The following SHISA9 variants were observed in gnomAD, a reference collection of about 807,000 sequenced individuals.
SHISA9 encodes protein shisa-9.
SHISA9 carries 13 observed loss-of-function variants against 38.0 expected under a neutral mutation model. The ratio of observed to expected loss-of-function variants is 0.34; its 90% CI spans 0.22 to 0.54. SHISA9 has a LOEUF of 0.54. Ranked by LOEUF, SHISA9 falls within the 20% of genes least tolerant of loss-of-function variation. The pLI is 0.91. For missense variants in SHISA9, 538 were observed against 575.8 expected (o/e 0.93, Z 0.67); for synonymous variants, 275 against 242.0 (o/e 1.14, Z -1.27).
At chr16:13,042,402 G>T (rs563262336) in intron 2 of SHISA9, among the ~76,000 whole-genome samples, 4 of 152,304 alleles carry the variant, frequency 2.6e-5, no homozygotes, top group African/African-American at 9.6e-5. Context: ...GGAAAATGCA[G>T]TAGCATTGGA....
the SHISA9 span, among the ~76,000 whole-genome samples, chr16:13,314,387 A>G: frequency 6.6e-6 from 1 of 151,662 alleles, no homozygotes; most frequent in South Asian, 2.1e-4. Context: ...CTAATTTATT[A>G]TTACTATTAG....
Position 13,113,209 on chromosome 16 carries a change from C to CAAA in SHISA9, c.692-90163_692-90161dup, listed in dbSNP as rs35316820. 3.4e-3 allele frequency among the ~76,000 whole-genome samples: 221 copies of CAAA among 64,998 alleles called. 4 individuals carry two copies. Among genetic ancestry groups the CAAA allele is most frequent in the Middle Eastern group, 0.019 (2 of 106 alleles). The allele number at this position is 64,998 out of a possible 152,430, so 42.6% of individuals were successfully genotyped here. ...TGGACAACAGAATGAGACTCCATCTCAAAAAAAAAAAAAAAAAAAAAAAAT... is the reference window on the plus strand; with the variant it reads ...TGGACAACAGAATGAGACTCCATCTCAAAAAAAAAAAAAAAAAAAAAAAAAAAT... On this transcript the variant is annotated intron_variant, in intron 2 of 4. Coordinates refer to ENST00000558583, the MANE Select transcript of SHISA9 (RefSeq NM_001145204.3).
chr16:13,054,381 C>T (rs992998651), intron 2 of SHISA9, among the ~76,000 whole-genome samples: 1 of 152,182 alleles, frequency 6.6e-6, no homozygotes, highest in African/African-American at 2.4e-5. Context: ...CCTTCTTTCC[C>T]ATCCATCCTT....
At chr16:13,327,353 T>A in the SHISA9 span, among the ~76,000 whole-genome samples, 1 of 152,174 alleles carries the variant, frequency 6.6e-6, no homozygotes, top group East Asian at 1.9e-4. Flanking sequence ...CGGTGTCTCA[T>A]GCCTATAATC....
chr16:13,509,661 G>A, the SHISA9 span, among the ~76,000 whole-genome samples: 30 of 152,110 alleles, frequency 2.0e-4, no homozygotes, highest in Non-Finnish European at 4.0e-4. Context: ...AAAATTATCA[G>A]GTCTCTCTGC....
At chr16:13,192,780 C>A (rs758948498) in intron 2 of SHISA9, among the ~76,000 whole-genome samples, 2 of 151,968 alleles carry the variant, frequency 1.3e-5, no homozygotes, top group Non-Finnish European at 2.9e-5. Flanking sequence ...GAGGCTGAAG[C>A]AGGACAATCA....
At chr16:13,506,559 C>T in the SHISA9 span, among the ~76,000 whole-genome samples, 6 of 152,050 alleles carry the variant, frequency 3.9e-5, no homozygotes, top group East Asian at 5.8e-4. Context: ...ATTAGACATG[C>T]GGATATCCAG....
At chr16:13,201,384 T>G (rs985848906) in intron 2 of SHISA9, among the ~76,000 whole-genome samples, 1 of 136,346 alleles carries the variant, frequency 7.3e-6, no homozygotes, top group African/African-American at 2.9e-5. Context: ...ACAGATGTTA[T>G]GTAAATAGTT....
chr16:12,958,060 C>A (rs1443116921), intron 2 of SHISA9, among the ~76,000 whole-genome samples: 2 of 152,248 alleles, frequency 1.3e-5, no homozygotes, highest in East Asian at 3.9e-4. Context: ...CAGATAAAAG[C>A]AGTTTAATTG....
intron 2 of SHISA9, among the ~76,000 whole-genome samples, chr16:13,083,643 G>A (rs1053950128): frequency 6.6e-6 from 1 of 152,160 alleles, no homozygotes; most frequent in African/African-American, 2.4e-5. Context: ...CGAGGGTCTG[G>A]CCTTCCATAT....
chr16:12,994,384 C>T (rs990486813), intron 2 of SHISA9, among the ~76,000 whole-genome samples: 5 of 152,164 alleles, frequency 3.3e-5, no homozygotes, highest in Non-Finnish European at 7.3e-5. Flanking sequence ...TTCCTTACTC[C>T]ACTGATGCTG....
At chr16:13,101,555 T>C (rs562891912) in intron 2 of SHISA9, among the ~76,000 whole-genome samples, 1 of 152,340 alleles carries the variant, frequency 6.6e-6, no homozygotes, top group African/African-American at 2.4e-5. Context: ...GTGTTTGGGT[T>C]GATGGTCTTA....
At chr16:13,281,090 A>G in the SHISA9 span, among the ~76,000 whole-genome samples, 6,123 of 151,868 alleles carry the variant, frequency 0.04, 418 homozygotes, top group African/African-American at 0.14. Context: ...CATTCAATAT[A>G]ACTTAATTCT....
At chr16:13,493,606 C>T in the SHISA9 span, among the ~76,000 whole-genome samples, 1 of 152,174 alleles carries the variant, frequency 6.6e-6, no homozygotes, top group African/African-American at 2.4e-5. Flanking sequence ...CTACTTTTCA[C>T]TTGGAGACTG....
At chr16:13,498,033 A>G in the SHISA9 span, among the ~76,000 whole-genome samples, 1 of 152,206 alleles carries the variant, frequency 6.6e-6, no homozygotes. Context: ...ATTTGACAAT[A>G]TAGAATCTAT....
chr16:13,424,917 C>G, the SHISA9 span, among the ~76,000 whole-genome samples: 4 of 152,140 alleles, frequency 2.6e-5, no homozygotes, highest in African/African-American at 9.7e-5. Context: ...GAAGGAAACT[C>G]TTGTCCCAGG....
At chr16:12,920,157 T>G (rs1043042107) in intron 2 of SHISA9, among the ~76,000 whole-genome samples, 51 of 148,420 alleles carry the variant, frequency 3.4e-4, no homozygotes, top group Admixed American at 1.1e-3. Context: ...GAAATACAGT[T>G]TTTGTTTCAA....
the SHISA9 span, among the ~76,000 whole-genome samples, chr16:13,476,752 T>G: frequency 7.6e-6 from 1 of 132,338 alleles, no homozygotes; most frequent in Admixed American, 7.4e-5. Context: ...TTTTTTTTTT[T>G]TTTTTTTTTT....
intron 2 of SHISA9, among the ~76,000 whole-genome samples, chr16:13,011,031 A>G (rs995015901): frequency 3.3e-5 from 5 of 152,186 alleles, no homozygotes; most frequent in African/African-American, 1.2e-4. Context: ...ATTCTTGCTA[A>G]TATCTTCCAC....
Sources: allele counts gnomAD v4.1 joint callset (sites outside exome capture counted in the v4.1 genomes callset), GRCh38; gene constraint gnomAD v4.1.1; transcripts MANE v1.5; gene names NCBI Gene and HGNC (gene_info 2026-07-23, HGNC 2026-07-21).